C1D: variants seen among roughly 807,000 people sequenced by gnomAD.
C1D encodes the protein C1D nuclear receptor corepressor.
Under a neutral mutation model 17.5 loss-of-function variants are expected in C1D, and 10 were observed. That is an observed-to-expected ratio of 0.57 (90% CI 0.35 to 0.97). The LOEUF (loss-of-function observed/expected upper bound fraction) is 0.97, where lower values mean the gene tolerates loss of function less well. Among genes scored for constraint, C1D ranks in the 50% least tolerant of loss-of-function variants. C1D has a pLI of 0.01. For synonymous variants in C1D, 49 were observed against 54.0 expected (o/e 0.91, Z 0.40); for missense variants, 136 against 160.1 (o/e 0.85, Z 0.81).
At chr2:68,060,542 C>T (rs1391639020) in intron 1 of C1D, among the ~76,000 whole-genome samples, 2 of 152,048 alleles carry the variant, frequency 1.3e-5, no homozygotes, top group East Asian at 3.9e-4. Flanking sequence ...ACTCCGGAGG[C>T]TGAGGCAGGA....
chr2:68,056,991 A>G (rs1237380243), intron 1 of C1D, among the ~76,000 whole-genome samples: 1 of 152,166 alleles, frequency 6.6e-6, no homozygotes, highest in African/African-American at 2.4e-5. Context: ...AAACAGAACA[A>G]CCCACACATC....
chr2:68,056,785 C>A (rs1019385523), intron 1 of C1D, among the ~76,000 whole-genome samples: 6 of 152,126 alleles, frequency 3.9e-5, no homozygotes, highest in Admixed American at 3.9e-4. Context: ...CAAAGGTGAG[C>A]TGAGAACAGC....
At chr2:68,044,290 G>A (rs912530921) in intron 4 of C1D, among the ~76,000 whole-genome samples, 1 of 152,242 alleles carries the variant, frequency 6.6e-6, no homozygotes. Flanking sequence ...CTCTCACTTG[G>A]AAATAATGCC....
chr2:68,046,541 T>C (rs1671127523), intron 2 of C1D, 131 bp from the exon 3 acceptor site: 2 of 593,452 alleles, frequency 3.4e-6, no homozygotes. Context: ...TTTCACTTCA[T>C]ATAATCCAAT....
chr2:68,059,742 A>G (rs1292510539), intron 1 of C1D, among the ~76,000 whole-genome samples: 3 of 152,204 alleles, frequency 2.0e-5, no homozygotes, highest in Non-Finnish European at 4.4e-5. Context: ...CTGGCTGCTC[A>G]GTCTGTCTCA....
chr2:68,056,737 T>C (rs1671448887), intron 1 of C1D, among the ~76,000 whole-genome samples: 1 of 152,078 alleles, frequency 6.6e-6, no homozygotes, highest in Non-Finnish European at 1.5e-5. Flanking sequence ...ATCTGTCAAA[T>C]AGGGAAAAAT....
intron 1 of C1D, among the ~76,000 whole-genome samples, chr2:68,053,637 C>T (rs1671349809): frequency 6.6e-6 from 1 of 152,198 alleles, no homozygotes; most frequent in Non-Finnish European, 1.5e-5. Context: ...CAACAGTTCC[C>T]TCCCACATGG....
chr2:68,054,979 T>TAA (rs375742608), intron 1 of C1D, among the ~76,000 whole-genome samples: 4,906 of 137,442 alleles, frequency 0.036, 269 homozygotes, highest in African/African-American at 0.12. Flanking sequence ...CTTTTTTTTT[T>TAA]AAAAAAAAAA....
chr2:68,054,050 G>T (rs1226473869), intron 1 of C1D, among the ~76,000 whole-genome samples: 2 of 152,020 alleles, frequency 1.3e-5, no homozygotes, highest in Non-Finnish European at 2.9e-5. Context: ...CTCCTTGAGG[G>T]GCTGTGTCAT....
At chr2:68,055,476 C>CAAA (rs112320731) in intron 1 of C1D, among the ~76,000 whole-genome samples, 6 of 133,740 alleles carry the variant, frequency 4.5e-5, no homozygotes, top group African/African-American at 1.6e-4. Flanking sequence ...CAGCATGAAG[C>CAAA]AAAAAAAAAA....
chr2:68,043,096 C>T (rs1451686650), intron 4 of C1D, 43 bp from the exon 5 acceptor site: 16 of 1,414,898 alleles, frequency 1.1e-5, no homozygotes, highest in Middle Eastern at 1.8e-4. Flanking sequence ...CTAAGCTATT[C>T]GCCACCACTG....
chr2:68,060,016 C>A (rs375559311), intron 1 of C1D, among the ~76,000 whole-genome samples: 192 of 152,342 alleles, frequency 1.3e-3, no homozygotes, highest in African/African-American at 4.3e-3. Flanking sequence ...ATGTCCTTAA[C>A]TGAACTCCGA....
At chr2:68,062,871 C>G (rs188506913) in intron 1 of C1D, 87 bp downstream of exon 1, 1 of 152,248 alleles carries the variant, frequency 6.6e-6, no homozygotes, top group Non-Finnish European at 1.5e-5. Context: ...TCAGTCTGCC[C>G]AGAGGATGAC....
chr2:68,045,850 C>CAAAA, intron 4 of C1D, 138 bp downstream of exon 4: 1 of 572,862 alleles, frequency 1.7e-6, no homozygotes, highest in Non-Finnish European at 3.0e-6. Context: ...AAAAAAAACC[C>CAAAA]AAAGATAATA....
At chr2:68,058,148 G>A (rs1671493076) in intron 1 of C1D, among the ~76,000 whole-genome samples, 1 of 152,186 alleles carries the variant, frequency 6.6e-6, no homozygotes, top group African/African-American at 2.4e-5. Context: ...TCATGTAAAT[G>A]AGTAATATTT....
At chr2:68,061,820 A>G (rs2103821703) in intron 1 of C1D, among the ~76,000 whole-genome samples, 1 of 152,222 alleles carries the variant, frequency 6.6e-6, no homozygotes, top group East Asian at 1.9e-4. Context: ...AGCAGTTAAG[A>G]AAAAAATTAC....
intron 1 of C1D, among the ~76,000 whole-genome samples, chr2:68,052,413 A>AT (rs1161407385): frequency 3.3e-5 from 5 of 152,314 alleles, no homozygotes; most frequent in Middle Eastern, 3.4e-3. Context: ...TTAATAAAGT[A>AT]TTTTGGCTCT....
intron 1 of C1D, among the ~76,000 whole-genome samples, chr2:68,057,724 C>T (rs1174076329): frequency 6.6e-6 from 1 of 152,116 alleles, no homozygotes; most frequent in Non-Finnish European, 1.5e-5. Flanking sequence ...TTACTTTATT[C>T]TCAAACATAC....
chr2:68,045,371 A>G (rs889822830), intron 4 of C1D, among the ~76,000 whole-genome samples: 1 of 152,200 alleles, frequency 6.6e-6, no homozygotes, highest in Non-Finnish European at 1.5e-5. Flanking sequence ...CTTCAAATTG[A>G]ATGATTTGAT....
Sources: allele counts gnomAD v4.1 joint callset (sites outside exome capture counted in the v4.1 genomes callset), GRCh38; gene constraint gnomAD v4.1.1; transcripts MANE v1.5; gene names NCBI Gene and HGNC (gene_info 2026-07-23, HGNC 2026-07-21).